MRPL47: variants seen among roughly 807,000 people sequenced by gnomAD.
MRPL47 encodes mitochondrial ribosomal protein L47.
A neutral mutation model predicts 34.0 loss-of-function variants in MRPL47; 31 were observed. The observed-to-expected ratio is 0.91, with a 90% CI of 0.68 to 1.23. MRPL47 has a LOEUF of 1.23. MRPL47 is among the 50% of genes most tolerant of loss of function. The pLI, the probability that MRPL47 is intolerant of heterozygous loss-of-function variation, is 0.00. For missense variants in MRPL47, 328 were observed against 285.8 expected, an observed-to-expected ratio of 1.15 and a Z score of -1.07; for synonymous variants, 106 against 101.6, an observed-to-expected ratio of 1.04 and a Z score of -0.26.
chr3:179,600,102 C>T (rs1191618966), intron 3 of MRPL47, among the ~76,000 whole-genome samples: 1 of 145,322 alleles, frequency 6.9e-6, no homozygotes. Flanking sequence ...GCCTGGGCGA[C>T]AAAGCGAGAC....
At position 179,602,729 on chromosome 3, in the gene MRPL47, T is replaced by A. The variant is rs753130380; in HGVS notation, c.167A>T (p.His56Leu). 2.5e-6 allele frequency: 4 copies of A among 1,612,650 alleles called. No homozygotes were observed. The South Asian group carries it at 3.3e-5, about 13-fold the overall frequency. Residue 56 changes from histidine (H) to leucine (L), a missense_variant, in exon 2 of 7, where the codon CAT (histidine) becomes CTT (leucine). Transcript: ENST00000476781. ...TAGTCCTTTCCTTGACAATGTGGTATGAAGTAATCTATATTGGTGAAAGGA... is the reference window on the plus strand; with the variant it reads ...TAGTCCTTTCCTTGACAATGTGGTAAGAAGTAATCTATATTGGTGAAAGGA... ...VTSFHQYRLL[H>L]TTLSRKGLEE...
Position 179,588,885 on chromosome 3 carries a change from G to A in MRPL47, c.740C>T (p.Ser247Leu), listed in dbSNP as rs751046970. 2 of 1,613,048 alleles carry A rather than the reference G, an allele frequency of 1.2e-6. No homozygotes were observed. Among genetic ancestry groups the A allele is most frequent in the African/African-American group, 2.7e-5 (2 of 74,840 alleles). Residue 247 changes from serine (S) to leucine (L), a missense_variant, in exon 7 of 7, where the codon TCA (serine) becomes TTA (leucine). Transcript: ENST00000476781. ...AGTTCAGACATCTTAGACAAGACTT[G>A]ACTTTTGGGCTTCAGCAAGATGTGG... Reference protein sequence around the residue: ...KFPHLAEAQKSSLV With the variant: ...KFPHLAEAQKLSLV
intron 6 of MRPL47, among the ~76,000 whole-genome samples, chr3:179,591,864 ACT>A (rs1170565999): frequency 1.3e-5 from 2 of 151,938 alleles, no homozygotes; most frequent in East Asian, 3.9e-4. Context: ...ATGAAGTCTC[ACT>A]CTGTCGCCCA....
chr3:179,602,166 G>A (rs1317451422), intron 2 of MRPL47, among the ~76,000 whole-genome samples: 2 of 152,084 alleles, frequency 1.3e-5, no homozygotes, highest in South Asian at 2.1e-4. Flanking sequence ...CCAAGATGGC[G>A]AAATCCTGTC....
chr3:179,590,749 T>C (rs780058502), intron 6 of MRPL47, among the ~76,000 whole-genome samples: 1 of 150,862 alleles, frequency 6.6e-6, no homozygotes, highest in Non-Finnish European at 1.5e-5. Flanking sequence ...CAATACTTGA[T>C]TGGACTGGAG....
At chr3:179,590,521 C>T (rs3774260) in intron 6 of MRPL47, among the ~76,000 whole-genome samples, 13,682 of 151,924 alleles carry the variant, frequency 0.09, 662 homozygotes, top group South Asian at 0.17. Context: ...GCTGTAGCAA[C>T]AGAAGAAGCA....
At chr3:179,602,353 TAAAC>T (rs1216764005) in intron 2 of MRPL47, among the ~76,000 whole-genome samples, 1 of 152,036 alleles carries the variant, frequency 6.6e-6, no homozygotes, top group African/African-American at 2.4e-5. Flanking sequence ...TCTAAATAAA[TAAAC>T]AAACTTTAAA....
intron 3 of MRPL47, among the ~76,000 whole-genome samples, chr3:179,599,099 T>C (rs901184837): frequency 5.9e-5 from 9 of 151,994 alleles, no homozygotes; most frequent in African/African-American, 2.2e-4. Context: ...AGCCTAGGAA[T>C]TTGAGGCTAT....
At chr3:179,603,300 G>T (rs978117272) in intron 1 of MRPL47, among the ~76,000 whole-genome samples, 1 of 152,092 alleles carries the variant, frequency 6.6e-6, no homozygotes, top group Non-Finnish European at 1.5e-5. Context: ...AATTTGGAAG[G>T]CCGAGGTGGG....
chr3:179,603,825 AGAT>A (rs1333008669), intron 1 of MRPL47, among the ~76,000 whole-genome samples: 5 of 152,206 alleles, frequency 3.3e-5, no homozygotes, highest in African/African-American at 1.2e-4. Flanking sequence ...TAACGACCTG[AGAT>A]GATTTGAAAC....
chr3:179,600,108 G>A (rs1313303793), intron 3 of MRPL47, among the ~76,000 whole-genome samples: 3 of 150,646 alleles, frequency 2.0e-5, no homozygotes, highest in South Asian at 2.1e-4. Flanking sequence ...GCGACAAAGC[G>A]AGACTTTGTC....
At chr3:179,600,710 T>G (rs557503131) in intron 3 of MRPL47, among the ~76,000 whole-genome samples, 1 of 152,094 alleles carries the variant, frequency 6.6e-6, no homozygotes, top group African/African-American at 2.4e-5. Flanking sequence ...ATGAAGGAAG[T>G]AGACATAGTG....
rs1491589511 is a variant in MRPL47, at chr3:179,598,430, A to AC, written c.402+244_402+245insG. ...CACACACACACACACACACACAAAC[A>AC]AAAAAAAAAAAACAAAAAACACGTT... On this transcript the variant is annotated intron_variant, in intron 4 of 6. Transcript: ENST00000476781. Among the ~76,000 whole-genome samples the AC allele has an allele frequency of 7.9e-5, 9 of 114,168 alleles. No homozygotes were observed. In the East Asian group the frequency reaches 1.6e-3, roughly 21 times the overall value. 74.9% of individuals were successfully genotyped at this position (114,168 alleles called of 152,430 possible).
At position 179,601,784 on chromosome 3, in the gene MRPL47, G is replaced by A. The variant is rs1018121653; in HGVS notation, c.251C>T (p.Ala84Val). Reference protein sequence around the residue: ...WGQEKVKSGAAWTCQQLRNKS... With the variant: ...WGQEKVKSGAVWTCQQLRNKS... ...GTTCCTTAGTTGCTGACAGGTCCAT[G>A]CTGCTCCTATTAAAATAATACATAA... Residue 84 changes from alanine (A) to valine (V), a missense_variant, in exon 3 of 7, where the codon GCA (alanine) becomes GTA (valine). Ala to Val is a moderately conservative substitution (Grantham distance 64). Transcript: ENST00000476781. The A allele has an allele frequency of 1.9e-6, 3 of 1,605,074 alleles. No homozygotes were observed. In the African/African-American group the frequency reaches 4.0e-5, roughly 22 times the overall value.
intron 4 of MRPL47, among the ~76,000 whole-genome samples, chr3:179,596,483 A>T (rs1718791107): frequency 6.6e-6 from 1 of 152,210 alleles, no homozygotes; most frequent in Non-Finnish European, 1.5e-5. Flanking sequence ...ACTGATTGAG[A>T]AAGTGCAGTA....
intron 3 of MRPL47, among the ~76,000 whole-genome samples, chr3:179,600,915 T>C (rs1231955692): frequency 6.6e-6 from 1 of 152,082 alleles, no homozygotes; most frequent in Non-Finnish European, 1.5e-5. Context: ...ACAATTACAG[T>C]CCAAACAAAA....
intron 3 of MRPL47, among the ~76,000 whole-genome samples, chr3:179,601,384 G>A (rs1353455725): frequency 6.6e-6 from 1 of 152,164 alleles, no homozygotes; most frequent in East Asian, 1.9e-4. Flanking sequence ...TCCAGCCTGG[G>A]CAACAGAGCG....
At chr3:179,592,762 T>C in intron 5 of MRPL47, 23 bp from the exon 6 acceptor site, 1 of 1,500,692 alleles carries the variant, frequency 6.7e-7, no homozygotes, top group South Asian at 1.1e-5. Flanking sequence ...CAAAAAGTTA[T>C]TTGCCTTAAA....
Position 179,593,851 on chromosome 3 carries a change from T to A in MRPL47, c.447A>T (p.Arg149Ser), listed in dbSNP as rs745614101. 16 of 1,613,014 alleles carry A rather than the reference T, an allele frequency of 9.9e-6. No individual in the cohort carries two copies. Among genetic ancestry groups the A allele is most frequent in the Non-Finnish European group, 1.3e-5 (15 of 1,179,156 alleles). Residue 149 changes from arginine (R) to serine (S), a missense_variant, in exon 5 of 7, where the codon AGA (arginine) becomes AGT (serine). Arg to Ser is a moderately radical substitution (Grantham distance 110). Coordinates refer to ENST00000476781, the MANE Select transcript of MRPL47 (RefSeq NM_020409.3). ...TCTGAAGAAGCCTTAGGGCATCTTC[T>A]CTTTCCTGGACAACTTTATCTAATG... ...MDALDKVVQE[R>S]EDALRLLQTG...
Sources: gnomAD v4.1 joint callset for allele counts (sites outside exome capture counted in the v4.1 genomes callset) on GRCh38, gnomAD v4.1.1 for gene constraint, MANE v1.5 for transcripts, NCBI Gene and HGNC (gene_info 2026-07-23, HGNC 2026-07-21) for gene names.